Variants in JAK1 observed in about 807,000 individuals in gnomAD.
The protein encoded by JAK1 is tyrosine-protein kinase JAK1.
Under a neutral mutation model 136.6 loss-of-function variants are expected in JAK1, and 16 were observed. That is an observed-to-expected ratio of 0.12 (90% CI 0.08 to 0.18). The LOEUF (loss-of-function observed/expected upper bound fraction) is 0.18. Among genes scored for constraint, JAK1 ranks in the 10% least tolerant of loss-of-function variants. JAK1 has a pLI of 1.00. For synonymous variants in JAK1, 492 were observed against 519.5 expected, an observed-to-expected ratio of 0.95 and a Z score of 0.72; for missense variants, 859 against 1,450.1, an observed-to-expected ratio of 0.59 and a Z score of 6.62.
chr1:65,041,868 G>A lies in JAK1; in HGVS notation c.-78+2612C>T, dbSNP rs944033352. ...AGCCTGGCCAACATGGTAAAACCCC[G>A]TCTCTAGCAAAAATACAAAAAATTA... On this transcript the variant is annotated intron_variant, in intron 2 of 25. Transcript: ENST00000671954. Among the ~76,000 whole-genome samples, 26 of 152,016 alleles carry A rather than the reference G, an allele frequency of 1.7e-4. 1 individual carries two copies. Among genetic ancestry groups the A allele is most frequent in the African/African-American group, 6.3e-4 (26 of 41,390 alleles).
chr1:65,045,744 T>C (rs1431697216), intron 1 of JAK1, among the ~76,000 whole-genome samples: 2 of 152,196 alleles, frequency 1.3e-5, no homozygotes, highest in Admixed American at 6.5e-5. Context: ...AGGAAAAAGA[T>C]GTCATCACTC....
intron 1 of JAK1, among the ~76,000 whole-genome samples, chr1:64,892,710 C>T (rs770842293): frequency 6.6e-6 from 1 of 152,202 alleles, no homozygotes; most frequent in Non-Finnish European, 1.5e-5. Context: ...AAACCACATT[C>T]GAGTTTCACA....
At chr1:64,856,075 T>C (rs1238200795) in intron 10 of JAK1, among the ~76,000 whole-genome samples, 2 of 152,154 alleles carry the variant, frequency 1.3e-5, no homozygotes, top group Non-Finnish European at 2.9e-5. Flanking sequence ...AAGCCCTTTA[T>C]AAAGTCCAGC....
chr1:65,031,992 G>T (rs1569912966), intron 2 of JAK1, among the ~76,000 whole-genome samples: 1 of 148,694 alleles, frequency 6.7e-6, no homozygotes, highest in Non-Finnish European at 1.5e-5. Context: ...GTGAGATGGG[G>T]TCTTGCTTTG....
chr1:64,899,356 T>C (rs940479396), intron 1 of JAK1, among the ~76,000 whole-genome samples: 1 of 152,210 alleles, frequency 6.6e-6, no homozygotes, highest in Non-Finnish European at 1.5e-5. Flanking sequence ...TAAATGTAAA[T>C]ATAAGCCTGG....
chr1:65,038,073 C>T (rs545138079), intron 2 of JAK1, among the ~76,000 whole-genome samples: 4 of 152,162 alleles, frequency 2.6e-5, no homozygotes, highest in East Asian at 1.9e-4. Context: ...TCCCTTCTTA[C>T]GTGGGAATGT....
chr1:64,857,939 C>T (rs556785890), intron 9 of JAK1, among the ~76,000 whole-genome samples, 160 bp from the exon 10 acceptor site: 163 of 152,336 alleles, frequency 1.1e-3, no homozygotes, highest in African/African-American at 2.5e-3. Flanking sequence ...CATCCATGAG[C>T]GTAGCGGAAA....
chr1:65,003,271 T>C (rs1235460220), intron 2 of JAK1, among the ~76,000 whole-genome samples: 2 of 151,876 alleles, frequency 1.3e-5, no homozygotes, highest in Non-Finnish European at 2.9e-5. Flanking sequence ...AATGTGGAGA[T>C]TGTCCTTTAG....
intron 1 of JAK1, among the ~76,000 whole-genome samples, chr1:64,962,464 A>C (rs1227111723): frequency 6.6e-6 from 1 of 152,206 alleles, no homozygotes; most frequent in African/African-American, 2.4e-5. Flanking sequence ...ACTACAAAGA[A>C]TCATGGATCA....
chr1:64,913,705 A>AAGGAAAGGAGGG (rs764180012), intron 1 of JAK1, among the ~76,000 whole-genome samples: 1 of 35,718 alleles, frequency 2.8e-5, no homozygotes, highest in Admixed American at 3.4e-4. Flanking sequence ...GGAAGGAAAG[A>AAGGAAAGGAGGG]AGGGAGGGAG....
intron 1 of JAK1, among the ~76,000 whole-genome samples, chr1:64,914,705 A>C (rs1460336893): frequency 1.3e-5 from 2 of 152,308 alleles, no homozygotes; most frequent in South Asian, 4.1e-4. Context: ...CTGGGATTAC[A>C]GGTGTGCACC....
At chr1:64,989,195 C>T (rs904722309) in intron 2 of JAK1, among the ~76,000 whole-genome samples, 4 of 149,508 alleles carry the variant, frequency 2.7e-5, no homozygotes, top group East Asian at 1.9e-4. Flanking sequence ...TGTGGTGGCA[C>T]GTGCCTGTAA....
chr1:65,011,538 T>C (rs1646849088), intron 2 of JAK1, among the ~76,000 whole-genome samples: 1 of 152,168 alleles, frequency 6.6e-6, no homozygotes, highest in Admixed American at 6.5e-5. Flanking sequence ...AATAGTTACT[T>C]AGAAAGCCAG....
intron 2 of JAK1, among the ~76,000 whole-genome samples, chr1:65,015,013 A>G (rs753957399): frequency 2.4e-4 from 37 of 152,128 alleles, no homozygotes; most frequent in Non-Finnish European, 4.6e-4. Context: ...GTGAAAAAAA[A>G]TCTTTCAAGA....
At chr1:64,914,124 G>A (rs1352614340) in intron 1 of JAK1, among the ~76,000 whole-genome samples, 21 of 152,166 alleles carry the variant, frequency 1.4e-4, no homozygotes, top group Admixed American at 1.3e-3. Context: ...AGGTCATTTT[G>A]AGAGCAGCTG....
At chr1:64,875,227 G>T (rs1050960237) in intron 4 of JAK1, among the ~76,000 whole-genome samples, 1 of 152,214 alleles carries the variant, frequency 6.6e-6, no homozygotes. Flanking sequence ...AGGGGAAAAA[G>T]CACCAAGGAA....
intron 1 of JAK1, among the ~76,000 whole-genome samples, chr1:64,939,270 T>C (rs1477912407): frequency 6.6e-6 from 1 of 152,226 alleles, no homozygotes; most frequent in Non-Finnish European, 1.5e-5. Context: ...CATGAACATA[T>C]ACATATAAGC....
At chr1:64,857,842 G>A (rs1445006246) in intron 9 of JAK1, 63 bp from the exon 10 acceptor site, 1 of 1,591,846 alleles carries the variant, frequency 6.3e-7, no homozygotes, top group Non-Finnish European at 8.6e-7. Context: ...GAACCTCTGG[G>A]CTATCCACTC....
At chr1:64,946,985 C>T (rs992828688) in intron 1 of JAK1, among the ~76,000 whole-genome samples, 3 of 152,248 alleles carry the variant, frequency 2.0e-5, no homozygotes, top group Admixed American at 1.3e-4. Context: ...GACAATTCCA[C>T]TTATAAGAAG....
Sources: allele counts gnomAD v4.1 joint callset (sites outside exome capture counted in the v4.1 genomes callset), GRCh38; gene constraint gnomAD v4.1.1; transcripts MANE v1.5; gene names NCBI Gene and HGNC (gene_info 2026-07-23, HGNC 2026-07-21).